Variants in CNTNAP2 observed in about 807,000 individuals in gnomAD.
CNTNAP2 encodes the protein contactin-associated protein-like 2.
CNTNAP2 carries 98 observed loss-of-function variants against 155.2 expected under a neutral mutation model. The ratio of observed to expected loss-of-function variants is 0.63; its 90% CI spans 0.54 to 0.75. The LOEUF is 0.75. CNTNAP2 is among the 30% of genes least tolerant of loss of function. The pLI is 0.00. For synonymous variants in CNTNAP2, 651 were observed against 631.2 expected (o/e 1.03, Z -0.47); for missense variants, 1,727 against 1,688.1 (o/e 1.02, Z -0.40).
At chr7:146,453,502 G>A (rs1404813453) in intron 1 of CNTNAP2, among the ~76,000 whole-genome samples, 1 of 152,076 alleles carries the variant, frequency 6.6e-6, no homozygotes, top group Non-Finnish European at 1.5e-5. Context: ...GATCCAATGA[G>A]GTAAAATTCA....
At chr7:146,135,976 CTAATA>C (rs999200585) in intron 1 of CNTNAP2, among the ~76,000 whole-genome samples, 6 of 152,100 alleles carry the variant, frequency 3.9e-5, no homozygotes, top group African/African-American at 1.2e-4. Flanking sequence ...CCTTTTTATT[CTAATA>C]TAATAGTGAA....
chr7:147,028,822 AG>A (rs1798970924), intron 3 of CNTNAP2, among the ~76,000 whole-genome samples: 1 of 152,196 alleles, frequency 6.6e-6, no homozygotes, highest in Non-Finnish European at 1.5e-5. Context: ...AAGACAAAAA[AG>A]CAGATGATGT....
intron 1 of CNTNAP2, among the ~76,000 whole-genome samples, chr7:146,399,740 C>T (rs1795687084): frequency 6.6e-6 from 1 of 152,084 alleles, no homozygotes; most frequent in Non-Finnish European, 1.5e-5. Context: ...TTTATGACTC[C>T]ATATTGTTTA....
chr7:146,588,726 TTCC>T (rs1243829954), intron 1 of CNTNAP2, among the ~76,000 whole-genome samples: 2 of 152,022 alleles, frequency 1.3e-5, no homozygotes, highest in African/African-American at 2.4e-5. Flanking sequence ...CCAGGCTGGT[TTCC>T]AACTTGTGGG....
intron 1 of CNTNAP2, among the ~76,000 whole-genome samples, chr7:146,555,197 C>A (rs1798179149): frequency 6.6e-6 from 1 of 152,086 alleles, no homozygotes; most frequent in African/African-American, 2.4e-5. Flanking sequence ...GGTACAGTCA[C>A]CTGAAAAGCT....
chr7:147,890,077 T>TA (rs1293075829), intron 13 of CNTNAP2, among the ~76,000 whole-genome samples: 1 of 152,178 alleles, frequency 6.6e-6, no homozygotes, highest in Non-Finnish European at 1.5e-5. Context: ...TTAGACATTT[T>TA]AAAAATACTT....
chr7:147,353,186 A>G (rs1796000254), intron 9 of CNTNAP2, among the ~76,000 whole-genome samples: 1 of 150,766 alleles, frequency 6.6e-6, no homozygotes, highest in African/African-American at 2.5e-5. Context: ...TCTGGGATAC[A>G]TGTTCAGAAC....
intron 1 of CNTNAP2, among the ~76,000 whole-genome samples, chr7:146,410,074 C>T (rs1052398960): frequency 2.0e-5 from 3 of 152,164 alleles, no homozygotes; most frequent in Non-Finnish European, 2.9e-5. Flanking sequence ...TCTATTCCAA[C>T]TCCTCTCACT....
chr7:148,204,751 T>C (rs1795420129), intron 18 of CNTNAP2, among the ~76,000 whole-genome samples: 1 of 152,238 alleles, frequency 6.6e-6, no homozygotes, highest in South Asian at 2.1e-4. Context: ...TGTGGGTTTC[T>C]GTGAAAACAG....
chr7:146,877,599 T>C (rs970926301), intron 3 of CNTNAP2, among the ~76,000 whole-genome samples: 1 of 149,986 alleles, frequency 6.7e-6, no homozygotes, highest in Non-Finnish European at 1.5e-5. Flanking sequence ...TATATACATA[T>C]GTGTGTATAC....
At chr7:146,171,253 A>T (rs1189664951) in intron 1 of CNTNAP2, among the ~76,000 whole-genome samples, 1 of 152,190 alleles carries the variant, frequency 6.6e-6, no homozygotes, top group Non-Finnish European at 1.5e-5. Context: ...AGTAGAAAAA[A>T]ATATATTTGA....
At chr7:148,091,918 A>C (rs187133011) in intron 15 of CNTNAP2, among the ~76,000 whole-genome samples, 5 of 152,294 alleles carry the variant, frequency 3.3e-5, no homozygotes, top group Admixed American at 3.3e-4. Context: ...ATCCAGATAA[A>C]ACAACTTCCC....
intron 1 of CNTNAP2, among the ~76,000 whole-genome samples, chr7:146,347,895 T>C (rs1385288135): frequency 1.3e-5 from 2 of 152,118 alleles, no homozygotes; most frequent in Non-Finnish European, 2.9e-5. Context: ...AAACATTACA[T>C]GCCCACCACA....
chr7:146,737,935 G>C (rs1801649018), intron 1 of CNTNAP2, among the ~76,000 whole-genome samples: 1 of 152,052 alleles, frequency 6.6e-6, no homozygotes, highest in Admixed American at 6.5e-5. Context: ...AGATGCTTAA[G>C]CTGATTCAAT....
intron 6 of CNTNAP2, among the ~76,000 whole-genome samples, chr7:147,124,872 T>C (rs1340594450): frequency 7.3e-6 from 1 of 136,334 alleles, no homozygotes; most frequent in Non-Finnish European, 1.5e-5. Flanking sequence ...ATTTCCTTTT[T>C]TTCCTTTTTT....
At chr7:147,860,917 G>A (rs974842198) in intron 13 of CNTNAP2, among the ~76,000 whole-genome samples, 4 of 152,146 alleles carry the variant, frequency 2.6e-5, no homozygotes, top group Non-Finnish European at 1.5e-5. Flanking sequence ...ATGACAAAGG[G>A]ATTTCAGGTG....
chr7:148,410,229 C>T (rs1359802234), intron 23 of CNTNAP2, among the ~76,000 whole-genome samples: 2 of 150,912 alleles, frequency 1.3e-5, no homozygotes, highest in East Asian at 1.9e-4. Flanking sequence ...ATTTTTCAGT[C>T]TTATCCTTTC....
intron 2 of CNTNAP2, among the ~76,000 whole-genome samples, chr7:146,780,182 G>A (rs1802459620): frequency 7.2e-6 from 1 of 138,628 alleles, no homozygotes; most frequent in Non-Finnish European, 1.6e-5. Context: ...AGCATCTGTT[G>A]TTTCCTGACT....
intron 15 of CNTNAP2, among the ~76,000 whole-genome samples, chr7:148,073,955 A>G (rs924564512): frequency 3.3e-5 from 5 of 152,160 alleles, no homozygotes; most frequent in African/African-American, 1.2e-4. Context: ...GGATTTTGGT[A>G]TAGAAGGGGG....
Sources: gnomAD v4.1 joint callset for allele counts (sites outside exome capture counted in the v4.1 genomes callset) on GRCh38, gnomAD v4.1.1 for gene constraint, MANE v1.5 for transcripts, NCBI Gene and HGNC (gene_info 2026-07-23, HGNC 2026-07-21) for gene names.